The following XPNPEP3 variants were observed in gnomAD, a reference collection of about 807,000 sequenced individuals.
XPNPEP3 encodes the protein X-prolyl aminopeptidase 3.
XPNPEP3 carries 41 observed loss-of-function variants against 60.0 expected under a neutral mutation model. The observed-to-expected ratio is 0.68, with a 90% confidence interval of 0.53 to 0.89. XPNPEP3 has a LOEUF of 0.89. Ranked by LOEUF, XPNPEP3 falls within the 40% of genes least tolerant of loss-of-function variation. XPNPEP3 has a pLI of 0.00. For missense variants in XPNPEP3, 598 were observed against 638.9 expected (o/e 0.94, Z 0.69); for synonymous variants, 212 against 223.2 (o/e 0.95, Z 0.45).
At chr22:40,909,314 A>G in intron 6 of XPNPEP3, 79 bp downstream of exon 6, 1 of 1,105,300 alleles carries the variant, frequency 9.0e-7, no homozygotes. Flanking sequence ...ATGTCCTCTC[A>G]CCTTCAGCTT....
chr22:40,918,629 A>G (rs1382095564), intron 7 of XPNPEP3, among the ~76,000 whole-genome samples: 1 of 151,008 alleles, frequency 6.6e-6, no homozygotes, highest in Non-Finnish European at 1.5e-5. Context: ...GGTCGCAGTG[A>G]GCCGAGATCA....
At chr22:40,889,278 G>A (rs1026368368) in intron 4 of XPNPEP3, among the ~76,000 whole-genome samples, 1 of 152,046 alleles carries the variant, frequency 6.6e-6, no homozygotes, top group Non-Finnish European at 1.5e-5. Flanking sequence ...TCCATCCTCA[G>A]CCTCCCAAAA....
At chr22:40,870,135 G>A (rs2057998082) in intron 2 of XPNPEP3, 1 of 469,860 alleles carries the variant, frequency 2.1e-6, no homozygotes, top group South Asian at 1.6e-5. Flanking sequence ...TTTCAAAGCT[G>A]TAAGGTAAGC....
intron 1 of XPNPEP3, among the ~76,000 whole-genome samples, chr22:40,858,118 T>C (rs2057914601): frequency 6.6e-6 from 1 of 152,206 alleles, no homozygotes. Context: ...TTTTTCAGTC[T>C]TTTTTTGAGA....
intron 2 of XPNPEP3, among the ~76,000 whole-genome samples, chr22:40,878,518 T>G (rs977763691): frequency 3.3e-5 from 5 of 152,078 alleles, no homozygotes; most frequent in African/African-American, 4.8e-5. Context: ...AAATGAGAGA[T>G]AACACATAGT....
At chr22:40,861,643 C>A in intron 1 of XPNPEP3, 1 of 1,613,988 alleles carries the variant, frequency 6.2e-7, no homozygotes, top group Non-Finnish European at 8.5e-7. Context: ...TTTAACAGGT[C>A]CTCAAGCGAG....
chr22:40,890,711 A>T (rs2058085183), intron 4 of XPNPEP3, among the ~76,000 whole-genome samples: 1 of 151,894 alleles, frequency 6.6e-6, no homozygotes, highest in South Asian at 2.1e-4. Context: ...TGCAAAATAT[A>T]AAAAAATTAG....
chr22:40,914,244 G>A lies in XPNPEP3; in HGVS notation c.975G>A (p.Gly325=). 1 of 1,614,010 alleles carries A rather than the reference G, an allele frequency of 6.2e-7. No homozygotes were observed. The stretch of plus-strand genomic sequence containing the variant: ...CCTGTCTTACTTTGTTCCAGGATGG[G>A]GAAATGGTGCTTCTGGATGGAGGTT... ...YVKNNQLIKD[G]EMVLLDGGCE... The change falls in exon 7 of 10, where the codon GGG becomes GGA. Residue 325 remains glycine, a synonymous_variant. Coordinates refer to ENST00000357137, the MANE Select transcript of XPNPEP3 (RefSeq NM_022098.4).
intron 4 of XPNPEP3, among the ~76,000 whole-genome samples, chr22:40,897,074 C>T (rs945205396): frequency 6.7e-6 from 1 of 148,490 alleles, no homozygotes; most frequent in Non-Finnish European, 1.5e-5. Context: ...CGCTGTTGCC[C>T]AGGCTGGAGT....
At chr22:40,904,384 C>T (rs1455760413) in intron 4 of XPNPEP3, among the ~76,000 whole-genome samples, 1 of 152,114 alleles carries the variant, frequency 6.6e-6, no homozygotes, top group East Asian at 1.9e-4. Context: ...TTGAAAGAGT[C>T]ATGACTGTCC....
intron 2 of XPNPEP3, among the ~76,000 whole-genome samples, chr22:40,874,111 A>G (rs956503277): frequency 6.6e-6 from 1 of 152,196 alleles, no homozygotes; most frequent in African/African-American, 2.4e-5. Flanking sequence ...TTAAAAGATT[A>G]AAATGATGCT....
chr22:40,898,225 A>ATTTTTTTTTTTTTTTTT (rs71200626), intron 4 of XPNPEP3, among the ~76,000 whole-genome samples: 1 of 28,782 alleles, frequency 3.5e-5, no homozygotes, highest in Non-Finnish European at 6.2e-5. Flanking sequence ...TCTTTGACCC[A>ATTTTTTTTTTTTTTTTT]TTTTTTTTTT....
At chr22:40,873,431 A>T (rs921649924) in intron 2 of XPNPEP3, among the ~76,000 whole-genome samples, 3 of 151,868 alleles carry the variant, frequency 2.0e-5, no homozygotes, top group Non-Finnish European at 4.4e-5. Flanking sequence ...TACAGCAGCA[A>T]ACAGATTTTT....
chr22:40,902,268 T>G (rs1215385104), intron 4 of XPNPEP3, among the ~76,000 whole-genome samples: 6 of 118,126 alleles, frequency 5.1e-5, no homozygotes, highest in Non-Finnish European at 1.1e-4. Flanking sequence ...TTTTTTTTTT[T>G]GAGGTGGAGT....
intron 4 of XPNPEP3, among the ~76,000 whole-genome samples, chr22:40,890,393 T>A (rs1156777263): frequency 6.7e-6 from 1 of 149,804 alleles, no homozygotes; most frequent in Non-Finnish European, 1.5e-5. Context: ...TCTACAAAAA[T>A]TTTTTTAAAA....
chr22:40,861,270 T>G (rs761573304), intron 1 of XPNPEP3: 1 of 1,614,214 alleles, frequency 6.2e-7, no homozygotes, highest in Non-Finnish European at 8.5e-7. Flanking sequence ...GTTGAATGAC[T>G]GTGTTCTCCA....
chr22:40,909,054 TGAA>T, intron 5 of XPNPEP3, 65 bp from the exon 6 acceptor site: 1 of 1,322,606 alleles, frequency 7.6e-7, no homozygotes, highest in South Asian at 1.2e-5. Context: ...TATGGGCTGT[TGAA>T]GAGAGCTTGG....
Position 40,861,293 on chromosome 22 carries a change from T to C in XPNPEP3, c.64+4048T>C. 5 of 1,614,194 alleles carry C rather than the reference T, an allele frequency of 3.1e-6. No homozygotes were observed. In the South Asian group the frequency reaches 5.5e-5, roughly 18 times the overall value. ...ACTGTGTTCTCCAGCTGCATTCTTT[T>C]GCAAAGCCCTCTTCATTGGCCACAC... On this transcript the variant is annotated intron_variant, in intron 1 of 9. Transcript: ENST00000357137.
In XPNPEP3 at chr22:40,922,795, G is replaced by GT. The variant is rs200149715; in HGVS notation, c.1236+288dup. The stretch of plus-strand genomic sequence containing the variant: ...AGATATATATACATACACACACAGG[G>GT]TTTTTTAAGTAAAAAGAAAAGATTT... On this transcript the variant is annotated intron_variant, in intron 8 of 9. Transcript: ENST00000357137. Among the ~76,000 whole-genome samples, 1,370 of 151,974 alleles carry GT rather than the reference G, an allele frequency of 9.0e-3. 16 individuals carry two copies. Among genetic ancestry groups the GT allele is most frequent in the African/African-American group, 0.031 (1,285 of 41,424 alleles).
Sources: allele counts gnomAD v4.1 joint callset (sites outside exome capture counted in the v4.1 genomes callset), GRCh38; gene constraint gnomAD v4.1.1; transcripts MANE v1.5; gene names NCBI Gene and HGNC (gene_info 2026-07-23, HGNC 2026-07-21).